CDH13: variants seen among roughly 807,000 people sequenced by gnomAD.
CDH13 encodes cadherin-13.
Under a neutral mutation model 63.8 loss-of-function variants are expected in CDH13, and 24 were observed. The observed-to-expected ratio is 0.38, with a 90% confidence interval of 0.27 to 0.53. The LOEUF (loss-of-function observed/expected upper bound fraction) is 0.53. CDH13 is among the 20% of genes least tolerant of loss of function. The pLI is 0.85. For missense variants in CDH13, 1,049 were observed against 903.1 expected (o/e 1.16, Z -2.07); for synonymous variants, 503 against 355.3 (o/e 1.42, Z -4.67).
intron 3 of CDH13, among the ~76,000 whole-genome samples, chr16:83,100,259 A>T (rs1411617629): frequency 6.6e-6 from 1 of 152,196 alleles, no homozygotes; most frequent in Non-Finnish European, 1.5e-5. Flanking sequence ...AATATAAATA[A>T]GTAAAATATG....
intron 5 of CDH13, among the ~76,000 whole-genome samples, chr16:83,228,443 A>C (rs2039906290): frequency 6.6e-6 from 1 of 152,220 alleles, no homozygotes; most frequent in Non-Finnish European, 1.5e-5. Flanking sequence ...CCAGAGATGA[A>C]GGAAGGGACA....
chr16:82,673,773 A>G (rs901393804), intron 1 of CDH13, among the ~76,000 whole-genome samples: 1 of 152,224 alleles, frequency 6.6e-6, no homozygotes, highest in Non-Finnish European at 1.5e-5. Context: ...TTGCTCCACA[A>G]CTTTACAGGC....
At chr16:83,551,058 A>ATCTG (rs2075482947) in intron 7 of CDH13, among the ~76,000 whole-genome samples, 1 of 137,800 alleles carries the variant, frequency 7.3e-6, no homozygotes, top group Non-Finnish European at 1.6e-5. Flanking sequence ...AGTCATTTAT[A>ATCTG]TCTATCTATC....
At chr16:83,273,910 A>G (rs986404974) in intron 5 of CDH13, among the ~76,000 whole-genome samples, 5 of 152,156 alleles carry the variant, frequency 3.3e-5, no homozygotes, top group Non-Finnish European at 7.4e-5. Context: ...CTAGCCTCAC[A>G]TGCAGGACCT....
At chr16:83,746,542 C>A (rs568685576) in intron 10 of CDH13, among the ~76,000 whole-genome samples, 4 of 152,088 alleles carry the variant, frequency 2.6e-5, no homozygotes, top group African/African-American at 9.7e-5. Flanking sequence ...CGTGAAGACT[C>A]GGGGTTAACT....
At chr16:83,605,799 A>AAAG (rs1357072448) in intron 8 of CDH13, among the ~76,000 whole-genome samples, 1 of 152,230 alleles carries the variant, frequency 6.6e-6, no homozygotes, top group African/African-American at 2.4e-5. Context: ...CTCCAGGTTA[A>AAAG]AAGGCTACTC....
chr16:83,171,714 A>C (rs1350120156), intron 4 of CDH13: 24 of 680,132 alleles, frequency 3.5e-5, no homozygotes, highest in Non-Finnish European at 5.4e-5. Context: ...TTTCCCCAGA[A>C]CCTCTTCGTC....
intron 5 of CDH13, among the ~76,000 whole-genome samples, chr16:83,312,231 G>A (rs185559807): frequency 1.3e-5 from 2 of 152,140 alleles, no homozygotes; most frequent in Non-Finnish European, 2.9e-5. Context: ...GGCTCAGTCT[G>A]TGTCCATACA....
Position 82,750,602 on chromosome 16 carries a change from A to G in CDH13, c.46-107760A>G, listed in dbSNP as rs546537900. 2.6e-5 allele frequency among the ~76,000 whole-genome samples: 4 copies of G among 152,310 alleles called. No homozygotes were observed. In the South Asian group the frequency reaches 6.2e-4, roughly 24 times the overall value. On this transcript the variant is annotated intron_variant, in intron 1 of 13. Transcript: ENST00000567109. The stretch of plus-strand genomic sequence containing the variant: ...GCCCATTTTTGTTCACCATTCTCTT[A>G]AAGTCTCAGGTGGAGAAGGAAGACC...
At chr16:83,528,825 G>A (rs902828730) in intron 7 of CDH13, among the ~76,000 whole-genome samples, 4 of 152,172 alleles carry the variant, frequency 2.6e-5, no homozygotes, top group African/African-American at 9.7e-5. Flanking sequence ...GAGAGAGACT[G>A]TTCAATCCCA....
chr16:82,899,172 C>G (rs2041372638), intron 2 of CDH13, among the ~76,000 whole-genome samples: 1 of 152,166 alleles, frequency 6.6e-6, no homozygotes, highest in African/African-American at 2.4e-5. Flanking sequence ...CTCACATTAG[C>G]TGAGTGTGTG....
chr16:82,698,292 G>A (rs1166567542), intron 1 of CDH13, among the ~76,000 whole-genome samples: 1 of 152,208 alleles, frequency 6.6e-6, no homozygotes, highest in Non-Finnish European at 1.5e-5. Flanking sequence ...AAAGGTGAAA[G>A]CTGGTTGGGA....
chr16:83,205,856 G>T (rs2039167816), intron 4 of CDH13, among the ~76,000 whole-genome samples: 2 of 152,116 alleles, frequency 1.3e-5, no homozygotes, highest in Admixed American at 1.3e-4. Context: ...ACCCGTCTCG[G>T]CATCCCAAAG....
chr16:82,933,253 G>A (rs774267423), intron 2 of CDH13, among the ~76,000 whole-genome samples: 9 of 152,126 alleles, frequency 5.9e-5, no homozygotes, highest in African/African-American at 9.7e-5. Context: ...CAGTATGGCC[G>A]AAGGGGAAGC....
chr16:83,441,002 T>C (rs1238051064), intron 6 of CDH13, among the ~76,000 whole-genome samples: 1 of 152,208 alleles, frequency 6.6e-6, no homozygotes, highest in African/African-American at 2.4e-5. Flanking sequence ...ACTGCAGTTC[T>C]AGGAAACCAA....
chr16:83,589,512 C>G (rs889830599), intron 7 of CDH13, among the ~76,000 whole-genome samples: 2 of 151,802 alleles, frequency 1.3e-5, no homozygotes, highest in African/African-American at 2.4e-5. Context: ...TTTCAAGATC[C>G]TTAACAAAGC....
chr16:83,646,134 G>T (rs1386313630), intron 8 of CDH13, among the ~76,000 whole-genome samples: 5 of 152,028 alleles, frequency 3.3e-5, no homozygotes, highest in Non-Finnish European at 5.9e-5. Flanking sequence ...ACCAGGTAGG[G>T]TTGCACATAG....
intron 4 of CDH13, among the ~76,000 whole-genome samples, chr16:83,201,328 G>T (rs745941577): frequency 1.1e-3 from 164 of 152,182 alleles, no homozygotes; most frequent in Admixed American, 1.9e-3. Context: ...AATATGTCAG[G>T]AAGTATGTCA....
At chr16:82,849,875 A>G (rs1258762506) in intron 1 of CDH13, among the ~76,000 whole-genome samples, 1 of 152,250 alleles carries the variant, frequency 6.6e-6, no homozygotes. Flanking sequence ...TCTGTTTACA[A>G]CATGATTTAT....
Sources: gnomAD v4.1 joint callset for allele counts (sites outside exome capture counted in the v4.1 genomes callset) on GRCh38, gnomAD v4.1.1 for gene constraint, MANE v1.5 for transcripts, NCBI Gene and HGNC (gene_info 2026-07-23, HGNC 2026-07-21) for gene names.